TENM2: variants seen among roughly 807,000 people sequenced by gnomAD.
The protein encoded by TENM2 is teneurin-2.
A neutral mutation model predicts 245.2 loss-of-function variants in TENM2; 52 were observed. The observed-to-expected ratio is 0.21, with a 90% CI of 0.17 to 0.27. TENM2 has a LOEUF of 0.27. Ranked by LOEUF, TENM2 falls within the 10% of genes least tolerant of loss-of-function variation. The pLI is 1.00. For missense variants in TENM2, 3,046 were observed against 3,666.8 expected (o/e 0.83, Z 4.37); for synonymous variants, 1,363 against 1,438.9 (o/e 0.95, Z 1.19).
intron 2 of TENM2, among the ~76,000 whole-genome samples, chr5:167,403,437 T>G (rs192931116): frequency 6.6e-6 from 1 of 152,302 alleles, no homozygotes; most frequent in African/African-American, 2.4e-5. Flanking sequence ...CTAATAAACT[T>G]ACTTTAAATC....
At chr5:167,490,445 ATCTC>A (rs1021989834) in intron 2 of TENM2, among the ~76,000 whole-genome samples, 1 of 152,112 alleles carries the variant, frequency 6.6e-6, no homozygotes, top group African/African-American at 2.4e-5. Flanking sequence ...TTAGTTGAAT[ATCTC>A]TCTCCTCATT....
chr5:167,859,378 T>TGG (rs1297203903), intron 2 of TENM2, among the ~76,000 whole-genome samples: 1 of 91,254 alleles, frequency 1.1e-5, no homozygotes, highest in Non-Finnish European at 2.4e-5. Flanking sequence ...GGGAGGGAGG[T>TGG]GGGGGGGGTC....
In TENM2 at chr5:168,244,684, G is replaced by A. The variant is rs747173377; in HGVS notation, c.5785G>A (p.Gly1929Arg). The A allele has an allele frequency of 9.4e-6, 14 of 1,491,652 alleles. No homozygotes were observed. The highest frequency in any genetic ancestry group is 4.2e-5 in the African/African-American group (3 of 71,660). The allele number at this position is 1,491,652 out of a possible 1,614,324, so 92.4% of individuals were successfully genotyped here. Residue 1929 changes from glycine to arginine, a missense_variant, in exon 26 of 29, where the codon GGG becomes AGG. Transcript: ENST00000518659. This position sits in a 1 kb window ranked among gnomAD's most constrained non-coding sequence, Gnocchi z 4.9. ...CATCGTGTCCCGCATGTTCGCTGACGGGAAAGTGTGGAGCTACTCCTACCT... is the reference window on the plus strand; with the variant it reads ...CATCGTGTCCCGCATGTTCGCTGACAGGAAAGTGTGGAGCTACTCCTACCT...
intron 2 of TENM2, among the ~76,000 whole-genome samples, chr5:167,827,102 A>T (rs1022194880): frequency 1.3e-5 from 2 of 152,224 alleles, no homozygotes; most frequent in African/African-American, 4.8e-5. Context: ...CTTCAGTTTC[A>T]TGTATGTTTC....
the TENM2 span, among the ~76,000 whole-genome samples, chr5:167,048,865 A>G: frequency 6.6e-6 from 1 of 152,182 alleles, no homozygotes; most frequent in Admixed American, 6.5e-5. Flanking sequence ...TAAGATAGCT[A>G]TTATTCCAAT....
intron 5 of TENM2, among the ~76,000 whole-genome samples, chr5:168,008,634 T>A (rs149785734): frequency 1.3e-5 from 2 of 152,306 alleles, no homozygotes; most frequent in Non-Finnish European, 2.9e-5. Flanking sequence ...CAGAGTTAAC[T>A]GCGAGAGATT....
chr5:167,040,723 C>CAT, the TENM2 span, among the ~76,000 whole-genome samples: 2 of 152,080 alleles, frequency 1.3e-5, no homozygotes, highest in Admixed American at 6.5e-5. Context: ...AAATTCTAAA[C>CAT]ATATATATAA....
intron 2 of TENM2, among the ~76,000 whole-genome samples, chr5:167,771,748 A>G (rs1763418780): frequency 6.6e-6 from 1 of 152,218 alleles, no homozygotes; most frequent in South Asian, 2.1e-4. Context: ...GCCATTACAC[A>G]GATGAGTGAT....
chr5:167,499,317 G>A (rs1769021441), intron 2 of TENM2, among the ~76,000 whole-genome samples: 1 of 152,158 alleles, frequency 6.6e-6, no homozygotes, highest in Admixed American at 6.6e-5. Flanking sequence ...GGAACTTAGT[G>A]GAAGGAGAGT....
intron 2 of TENM2, among the ~76,000 whole-genome samples, chr5:167,522,813 C>T (rs1309841367): frequency 3.5e-5 from 3 of 85,708 alleles, no homozygotes; most frequent in Non-Finnish European, 7.1e-5. Context: ...AAATAGGCCT[C>T]TGCCCTATAA....
At chr5:167,470,415 C>T (rs34117462) in intron 2 of TENM2, among the ~76,000 whole-genome samples, 2 of 122,300 alleles carry the variant, frequency 1.6e-5, no homozygotes, top group Admixed American at 9.3e-5. Context: ...TAACATGATT[C>T]TGAAATTCAA....
At position 168,244,617 on chromosome 5, in the gene TENM2, T is replaced by C; in HGVS notation, c.5718T>C (p.Arg1906=). The C allele has an allele frequency of 6.2e-7, 1 of 1,600,264 alleles. No individual in the cohort carries two copies. The highest frequency in any genetic ancestry group is 8.5e-7 in the Non-Finnish European group (1 of 1,170,910). The change falls in exon 26 of 29, where the codon CGT becomes CGC. Residue 1906 remains arginine (R), a synonymous_variant. Transcript: ENST00000518659. The surrounding 1 kb of genome is among the most constrained non-coding windows in gnomAD (Gnocchi z 4.9). ...ATGGGCGCCTGGCTGGGCTTCAGCG[T>C]GGGGCCATGAGCGAGAGGACAGACA... is the stretch of plus-strand genomic sequence containing the variant.
At chr5:167,598,409 C>T (rs890621027) in intron 2 of TENM2, among the ~76,000 whole-genome samples, 1 of 152,168 alleles carries the variant, frequency 6.6e-6, no homozygotes, top group Non-Finnish European at 1.5e-5. Flanking sequence ...ATCTCCAGCT[C>T]TCCTGAAATC....
At chr5:167,639,457 AC>A (rs1779418306) in intron 2 of TENM2, among the ~76,000 whole-genome samples, 1 of 152,150 alleles carries the variant, frequency 6.6e-6, no homozygotes, top group South Asian at 2.1e-4. Context: ...TACCATTCTG[AC>A]TTTGTCTCTT....
chr5:167,484,064 C>A (rs1398166546), intron 2 of TENM2, among the ~76,000 whole-genome samples: 1 of 152,100 alleles, frequency 6.6e-6, no homozygotes. Context: ...TCATTTTGTG[C>A]AGCTGGGCGT....
chr5:167,759,397 A>G (rs1208939153), intron 2 of TENM2, among the ~76,000 whole-genome samples: 1 of 152,084 alleles, frequency 6.6e-6, no homozygotes, highest in Non-Finnish European at 1.5e-5. Context: ...GTTAGGACTC[A>G]CATTCTGTAC....
chr5:167,289,890 T>G (rs1221322751), intron 1 of TENM2, among the ~76,000 whole-genome samples: 1 of 152,230 alleles, frequency 6.6e-6, no homozygotes, highest in Admixed American at 6.5e-5. Flanking sequence ...TAAAAGGTTC[T>G]AGTTTGAAAA....
chr5:167,358,423 C>G (rs1399273230), intron 1 of TENM2, among the ~76,000 whole-genome samples: 1 of 151,896 alleles, frequency 6.6e-6, no homozygotes, highest in African/African-American at 2.4e-5. Context: ...TCCATTCTAC[C>G]ATACACTCGT....
chr5:167,106,753 G>A, the TENM2 span, among the ~76,000 whole-genome samples: 3 of 151,682 alleles, frequency 2.0e-5, no homozygotes, highest in Non-Finnish European at 4.4e-5. Context: ...GGCAATAGAG[G>A]TGAAGAGGGT....
Sources: gnomAD v4.1 joint callset for allele counts (sites outside exome capture counted in the v4.1 genomes callset) on GRCh38, gnomAD v4.1.1 for gene constraint, Gnocchi (gnomAD v3.1) non-coding constraint, MANE v1.5 for transcripts, NCBI Gene and HGNC (gene_info 2026-07-23, HGNC 2026-07-21) for gene names.